The following GALNTL6 variants were observed in gnomAD, a reference collection of about 807,000 sequenced individuals.
GALNTL6 encodes polypeptide N-acetylgalactosaminyltransferase like 6.
In GALNTL6, 46 loss-of-function variants were observed where a neutral mutation model predicts 73.7. The ratio of observed to expected loss-of-function variants is 0.62; its 90% confidence interval spans 0.49 to 0.80. The LOEUF (loss-of-function observed/expected upper bound fraction) is 0.80, where lower values mean the gene tolerates loss of function less well. GALNTL6 is among the 30% of genes least tolerant of loss of function. The probability of loss-of-function intolerance (pLI) is 0.00; values close to 1 mark genes in which losing one functional copy is unlikely to be tolerated. For synonymous variants in GALNTL6, 259 were observed against 263.7 expected (o/e 0.98, Z 0.17); for missense variants, 604 against 755.0 (o/e 0.80, Z 2.34).
At chr4:172,489,890 A>G (rs1359551540) in intron 5 of GALNTL6, among the ~76,000 whole-genome samples, 3 of 152,218 alleles carry the variant, frequency 2.0e-5, no homozygotes, top group Non-Finnish European at 2.9e-5. Flanking sequence ...ATTCATTTGC[A>G]TGTACTTTAC....
chr4:172,814,875 C>T (rs913388350), intron 7 of GALNTL6, among the ~76,000 whole-genome samples: 13 of 152,060 alleles, frequency 8.5e-5, no homozygotes, highest in African/African-American at 2.4e-4. Context: ...TAAAATGAAG[C>T]GCTCTCATTA....
chr4:172,486,775 C>T (rs924747453), intron 5 of GALNTL6, among the ~76,000 whole-genome samples: 1 of 152,170 alleles, frequency 6.6e-6, no homozygotes, highest in African/African-American at 2.4e-5. Flanking sequence ...CTGAAATGCT[C>T]TTATGCATAA....
intron 5 of GALNTL6, among the ~76,000 whole-genome samples, chr4:172,685,721 T>C (rs1457534699): frequency 3.9e-5 from 6 of 152,348 alleles, no homozygotes; most frequent in East Asian, 3.9e-4. Flanking sequence ...GAGTCTTCAA[T>C]TGAATAAAAC....
chr4:172,361,244 A>G (rs1228255545), intron 5 of GALNTL6, among the ~76,000 whole-genome samples: 2 of 152,154 alleles, frequency 1.3e-5, no homozygotes, highest in Non-Finnish European at 2.9e-5. Flanking sequence ...ATTGTATGGT[A>G]AACTCAAGTC....
At chr4:172,414,526 C>T (rs911459809) in intron 5 of GALNTL6, among the ~76,000 whole-genome samples, 1 of 152,050 alleles carries the variant, frequency 6.6e-6, no homozygotes, top group Non-Finnish European at 1.5e-5. Flanking sequence ...AATTTTCTAT[C>T]GTATTTCATT....
At chr4:172,966,399 C>CTTTT (rs561306473) in intron 10 of GALNTL6, among the ~76,000 whole-genome samples, 11 of 143,218 alleles carry the variant, frequency 7.7e-5, no homozygotes, top group African/African-American at 2.8e-4. Context: ...GGGAGTCGAT[C>CTTTT]TTTTTTTTTT....
In GALNTL6 at chr4:172,130,739, T is replaced by C. The variant is rs568883654; in HGVS notation, c.139-98917T>C. On this transcript the variant is annotated intron_variant, in intron 2 of 12. Transcript: ENST00000506823. ...TAACATGAAAATTACCGCAGTTTTA[T>C]AGAACAGAAATTGAAAATATGAAAT... Among the ~76,000 whole-genome samples, 5 of 152,266 alleles carry C rather than the reference T, an allele frequency of 3.3e-5. No individual in the cohort carries two copies. In the South Asian group the frequency reaches 6.2e-4, roughly 19 times the overall value.
intron 5 of GALNTL6, among the ~76,000 whole-genome samples, chr4:172,683,662 G>C (rs1186412014): frequency 6.6e-6 from 1 of 152,138 alleles, no homozygotes; most frequent in Non-Finnish European, 1.5e-5. Flanking sequence ...ATTGCAGTCA[G>C]AAATGTAAAG....
At chr4:172,913,799 C>A (rs1351573043) in intron 8 of GALNTL6, among the ~76,000 whole-genome samples, 1 of 152,154 alleles carries the variant, frequency 6.6e-6, no homozygotes, top group Non-Finnish European at 1.5e-5. Flanking sequence ...AAGAATGGAA[C>A]CAAGTTGGAA....
At chr4:172,683,983 A>G (rs1732777296) in intron 5 of GALNTL6, among the ~76,000 whole-genome samples, 1 of 152,226 alleles carries the variant, frequency 6.6e-6, no homozygotes, top group South Asian at 2.1e-4. Context: ...TCTTCCAGAA[A>G]AAAAGTCATG....
intron 7 of GALNTL6, among the ~76,000 whole-genome samples, chr4:172,876,812 T>C (rs957043295): frequency 1.2e-4 from 18 of 152,218 alleles, no homozygotes; most frequent in African/African-American, 4.3e-4. Flanking sequence ...AAAAGAGTGT[T>C]TTAACCTGAA....
rs111570068 is a variant in GALNTL6 at position 171,814,700 on chromosome 4, G to A, written c.120G>A (p.Ala40=). ...LYKDKHLVKS[A]EPGEQQTFPL... is the part of the protein sequence containing the mutation. ...AGGATAAGCACCTGGTGAAGTCAGC[G>A]GAGCCCGGGGAGCAGCAGGTAAGTG... Residue 40 remains alanine (A), a synonymous_variant, in exon 2 of 13, where the codon GCG becomes GCA. Coordinates refer to ENST00000506823, the MANE Select transcript of GALNTL6 (RefSeq NM_001034845.3). 6,873 of 1,613,940 alleles carry A rather than the reference G, an allele frequency of 4.3e-3. 41 individuals are homozygous for A. The highest frequency in any genetic ancestry group is 0.018 in the East Asian group (824 of 44,870).
At chr4:171,814,377 T>C (rs1289194348) in intron 1 of GALNTL6, 35 bp from the exon 2 acceptor site, 4 of 601,872 alleles carry the variant, frequency 6.6e-6, no homozygotes, top group Non-Finnish European at 1.2e-5. Flanking sequence ...GTCATAGTTT[T>C]CTGGGGGGAA....
At chr4:172,654,398 C>T (rs187705277) in intron 5 of GALNTL6, among the ~76,000 whole-genome samples, 20 of 152,322 alleles carry the variant, frequency 1.3e-4, no homozygotes, top group Admixed American at 9.8e-4. Context: ...TCAACCTTAA[C>T]TTTAGTTCAC....
chr4:172,419,013 A>G (rs945313291), intron 5 of GALNTL6, among the ~76,000 whole-genome samples: 2 of 152,250 alleles, frequency 1.3e-5, no homozygotes, highest in East Asian at 3.9e-4. Flanking sequence ...TATGAAATCA[A>G]TTAATCAATT....
intron 2 of GALNTL6, among the ~76,000 whole-genome samples, chr4:172,147,112 C>T (rs1432266635): frequency 1.3e-5 from 2 of 152,020 alleles, no homozygotes; most frequent in Non-Finnish European, 1.5e-5. Context: ...CCTGTATTTC[C>T]AGTTTTGATC....
At chr4:172,359,437 G>A (rs1255029648) in intron 5 of GALNTL6, among the ~76,000 whole-genome samples, 2 of 152,124 alleles carry the variant, frequency 1.3e-5, no homozygotes, top group South Asian at 4.1e-4. Flanking sequence ...GAAATAATCT[G>A]TACAACAAAT....
At chr4:171,971,122 G>A (rs914921083) in intron 2 of GALNTL6, among the ~76,000 whole-genome samples, 6 of 152,162 alleles carry the variant, frequency 3.9e-5, no homozygotes, top group African/African-American at 1.4e-4. Context: ...GATTTATCAG[G>A]AGCTTGAATT....
intron 11 of GALNTL6, among the ~76,000 whole-genome samples, chr4:173,016,937 G>A (rs541115720): frequency 1.3e-4 from 20 of 152,136 alleles, no homozygotes; most frequent in Non-Finnish European, 2.2e-4. Context: ...TTGATCATGG[G>A]GGTGGTTACC....
Sources: gnomAD v4.1 joint callset for allele counts (sites outside exome capture counted in the v4.1 genomes callset) on GRCh38, gnomAD v4.1.1 for gene constraint, MANE v1.5 for transcripts, NCBI Gene and HGNC (gene_info 2026-07-23, HGNC 2026-07-21) for gene names.